CENPE: variants seen among roughly 807,000 people sequenced by gnomAD.
CENPE encodes centromere-associated protein E.
In CENPE, 145 loss-of-function variants were observed where a neutral mutation model predicts 336.1. That is an observed-to-expected ratio of 0.43 (90% CI 0.38 to 0.50). The LOEUF (loss-of-function observed/expected upper bound fraction) is 0.50. Among genes scored for constraint, CENPE ranks in the 20% least tolerant of loss-of-function variants. CENPE has a pLI of 0.00. For synonymous variants in CENPE, 1,013 were observed against 984.8 expected, an observed-to-expected ratio of 1.03 and a Z score of -0.54; for missense variants, 2,719 against 3,023.3, an observed-to-expected ratio of 0.90 and a Z score of 2.36.
chr4:103,189,222 G>A (rs7662455), intron 8 of CENPE, among the ~76,000 whole-genome samples: 23,766 of 152,182 alleles, frequency 0.16, 2,077 homozygotes, highest in South Asian at 0.31. Flanking sequence ...ACTAGGAGGA[G>A]CTGGTACCAT....
At chr4:103,163,861 T>C (rs2720467) in intron 16 of CENPE, among the ~76,000 whole-genome samples, 24,444 of 152,102 alleles carry the variant, frequency 0.16, 2,348 homozygotes, top group Non-Finnish European at 0.2. Flanking sequence ...TAGTATGCAC[T>C]ACTTGGAGGA....
At chr4:103,189,897 C>A (rs557832604) in intron 8 of CENPE, among the ~76,000 whole-genome samples, 1 of 152,094 alleles carries the variant, frequency 6.6e-6, no homozygotes, top group African/African-American at 2.4e-5. Flanking sequence ...AAAACCCCAT[C>A]GTCTCAGCCC....
chr4:103,174,763 T>C lies in CENPE; in HGVS notation c.1620A>G (p.Leu540=), dbSNP rs1322582066. The part of the protein sequence containing the change: ...EKNDLDEFEA[L]ERKTKKDQEM... ...CTTGATCTTTTTTAGTTTTTCTTTC[T>C]AGAGCCTCAAATTCATCCAAATCAT... Residue 540 remains leucine (L), a synonymous_variant, in exon 16 of 49, where the codon CTA becomes CTG. Transcript: ENST00000265148. The C allele has an allele frequency of 1.9e-6, 3 of 1,539,282 alleles. No individual in the cohort carries two copies. The highest frequency in any genetic ancestry group is 1.7e-6 in the Non-Finnish European group (2 of 1,146,866).
At chr4:103,181,492 A>G in intron 11 of CENPE, 36 bp from the exon 12 acceptor site, 1 of 1,518,388 alleles carries the variant, frequency 6.6e-7, no homozygotes, top group Non-Finnish European at 8.8e-7. Context: ...AGTGTTCAAC[A>G]CTTAAAAAAA....
At chr4:103,173,728 G>A (rs1165876121) in intron 16 of CENPE, among the ~76,000 whole-genome samples, 1 of 147,436 alleles carries the variant, frequency 6.8e-6, no homozygotes, top group Admixed American at 6.8e-5. Context: ...ATAGGCAGAA[G>A]ACCTGAACAG....
chr4:103,132,004 C>G (rs1009179268), intron 42 of CENPE, among the ~76,000 whole-genome samples: 1 of 152,104 alleles, frequency 6.6e-6, no homozygotes, highest in African/African-American at 2.4e-5. Flanking sequence ...AGTAAAATTA[C>G]TCTGTATGAT....
At chr4:103,127,323 C>T (rs569639828) in intron 42 of CENPE, among the ~76,000 whole-genome samples, 81 of 152,156 alleles carry the variant, frequency 5.3e-4, no homozygotes, top group African/African-American at 1.9e-3. Flanking sequence ...AAAAAACATA[C>T]TAACCTATAA....
chr4:103,163,608 C>CAAAAAAAA (rs11315612), intron 16 of CENPE, 55 bp from the exon 17 acceptor site: 13 of 304,424 alleles, frequency 4.3e-5, no homozygotes, highest in Admixed American at 7.0e-5. Context: ...TAAAGCAAAG[C>CAAAAAAAA]AAAAAAAAAA....
Position 103,141,114 on chromosome 4 carries a change from A to G in CENPE, c.5464-10T>C. 6.8e-7 allele frequency: 1 copy of G among 1,462,220 alleles called. No individual in the cohort carries two copies. Among genetic ancestry groups the G allele is most frequent in the Non-Finnish European group, 9.3e-7 (1 of 1,075,500 alleles). 90.6% of individuals were successfully genotyped at this position (1,462,220 alleles called of 1,614,324 possible). On this transcript the variant is annotated splice_polypyrimidine_tract_variant and intron_variant, in intron 35 of 48. Transcript: ENST00000265148. ...CCTTAAGTTCTTGAATCTTAAGATA[A>G]TCATAAAATAATATGTTAGGTGGCT...
chr4:103,160,194 C>T (rs1236260115), intron 21 of CENPE, among the ~76,000 whole-genome samples: 5 of 151,886 alleles, frequency 3.3e-5, no homozygotes, highest in Non-Finnish European at 1.5e-5. Flanking sequence ...CATGGATTTA[C>T]AGAAACATTC....
intron 16 of CENPE, among the ~76,000 whole-genome samples, chr4:103,172,489 G>A (rs1755497649): frequency 6.6e-6 from 1 of 151,970 alleles, no homozygotes; most frequent in Admixed American, 6.6e-5. Context: ...CACTGCTAAT[G>A]TAATACCAAA....
chr4:103,168,615 T>G (rs1755125951), intron 16 of CENPE, among the ~76,000 whole-genome samples: 1 of 152,220 alleles, frequency 6.6e-6, no homozygotes, highest in South Asian at 2.1e-4. Flanking sequence ...GAGAATGGTT[T>G]TACCCAGCCG....
intron 1 of CENPE, among the ~76,000 whole-genome samples, chr4:103,197,789 T>C (rs1054214624): frequency 2.0e-5 from 3 of 152,246 alleles, no homozygotes; most frequent in African/African-American, 4.8e-5. Flanking sequence ...GTCTGTGTTG[T>C]ACAAAGTCAC....
chr4:103,131,616 G>A (rs556538537), intron 42 of CENPE, among the ~76,000 whole-genome samples: 1 of 152,280 alleles, frequency 6.6e-6, no homozygotes, highest in South Asian at 2.1e-4. Flanking sequence ...TTACTCAAGA[G>A]AGTTGAAAAT....
intron 45 of CENPE, among the ~76,000 whole-genome samples, chr4:103,116,011 G>A (rs374584351): frequency 2.6e-5 from 4 of 152,064 alleles, no homozygotes; most frequent in East Asian, 3.9e-4. Context: ...GATTGAGAAC[G>A]TATTTCTACT....
intron 13 of CENPE, among the ~76,000 whole-genome samples, chr4:103,178,184 G>A (rs189562250): frequency 5.0e-4 from 76 of 151,756 alleles, no homozygotes; most frequent in African/African-American, 1.7e-3. Flanking sequence ...TACCCTACAC[G>A]GCACACTCAA....
At chr4:103,183,773 C>T (rs1756520843) in intron 9 of CENPE, among the ~76,000 whole-genome samples, 1 of 151,666 alleles carries the variant, frequency 6.6e-6, no homozygotes, top group African/African-American at 2.4e-5. Context: ...TATACCTCTA[C>T]CAGGAAACCA....
chr4:103,157,059 C>CAAAAAAAAAAAAAAAAAAAAAAAAAAA (rs34199706), intron 24 of CENPE, among the ~76,000 whole-genome samples: 3 of 98,038 alleles, frequency 3.1e-5, no homozygotes, highest in Non-Finnish European at 4.3e-5. Flanking sequence ...TGGCTACTAT[C>CAAAAAAAAAAAAAAAAAAAAAAAAAAA]AAAAAAAAAA....
In CENPE at chr4:103,184,752, T is replaced by C. The variant is rs569731448; in HGVS notation, c.745+1058A>G. ...TATGTTTTACTATCTTATAGTAAGA[T>C]AGTAAAATCTTAAATTCCACTTTCT... On this transcript the variant is annotated intron_variant, in intron 9 of 48. Transcript: ENST00000265148. Among the ~76,000 whole-genome samples, 17 of 152,312 alleles carry C rather than the reference T, an allele frequency of 1.1e-4. 1 individual carries two copies. Among genetic ancestry groups the C allele is most frequent in the African/African-American group, 1.7e-4 (7 of 41,574 alleles).
Sources: gnomAD v4.1 joint callset for allele counts (sites outside exome capture counted in the v4.1 genomes callset) on GRCh38, gnomAD v4.1.1 for gene constraint, MANE v1.5 for transcripts, NCBI Gene and HGNC (gene_info 2026-07-23, HGNC 2026-07-21) for gene names.